CTNND2: variants seen among roughly 807,000 people sequenced by gnomAD.
CTNND2 encodes the protein catenin delta-2.
A neutral mutation model predicts 144.4 loss-of-function variants in CTNND2; 22 were observed. The observed-to-expected ratio is 0.15, with a 90% CI of 0.11 to 0.22. The LOEUF (loss-of-function observed/expected upper bound fraction) is 0.22, where lower values mean the gene tolerates loss of function less well. CTNND2 is among the 10% of genes least tolerant of loss of function. The pLI is 1.00. For synonymous variants in CTNND2, 751 were observed against 695.6 expected (o/e 1.08, Z -1.25); for missense variants, 1,353 against 1,618.8 (o/e 0.84, Z 2.82).
intron 1 of CTNND2, among the ~76,000 whole-genome samples, chr5:11,881,960 T>C (rs1384859075): frequency 6.6e-6 from 1 of 152,126 alleles, no homozygotes; most frequent in Admixed American, 6.5e-5. Flanking sequence ...CATTGTGGTT[T>C]CAACTTGAAT....
chr5:11,812,923 C>A (rs1265280011), intron 1 of CTNND2, among the ~76,000 whole-genome samples: 1 of 152,134 alleles, frequency 6.6e-6, no homozygotes, highest in Non-Finnish European at 1.5e-5. Flanking sequence ...TGTGTTCTTG[C>A]CTGCTTTGTG....
intron 2 of CTNND2, among the ~76,000 whole-genome samples, chr5:11,639,048 T>C (rs1003844548): frequency 5.3e-5 from 8 of 152,104 alleles, no homozygotes; most frequent in East Asian, 3.9e-4. Flanking sequence ...ACTATCTACA[T>C]TGGTAGTCTC....
intron 1 of CTNND2, among the ~76,000 whole-genome samples, chr5:11,824,220 G>A (rs1337367885): frequency 6.6e-6 from 1 of 152,000 alleles, no homozygotes; most frequent in Non-Finnish European, 1.5e-5. Context: ...TAAACTAAGT[G>A]AGTTATACAT....
chr5:11,023,089 A>G (rs1742449454), intron 16 of CTNND2, 110 bp from the exon 17 acceptor site: 1 of 905,784 alleles, frequency 1.1e-6, no homozygotes, highest in Non-Finnish European at 1.7e-6. Context: ...CGTTTATGCA[A>G]AATTGTTTGT....
At chr5:11,673,964 G>A (rs1011474950) in intron 2 of CTNND2, among the ~76,000 whole-genome samples, 54 of 152,200 alleles carry the variant, frequency 3.5e-4, no homozygotes, top group African/African-American at 1.3e-3. Context: ...CAAGTCCTGG[G>A]TATATTCAAC....
chr5:11,442,853 T>C (rs1470747737), intron 3 of CTNND2, among the ~76,000 whole-genome samples: 1 of 145,080 alleles, frequency 6.9e-6, no homozygotes, highest in African/African-American at 2.6e-5. Flanking sequence ...TATAATATAA[T>C]GATTATATTA....
At chr5:11,159,511 T>C (rs1580449852) in intron 12 of CTNND2, 65 bp downstream of exon 12, 4 of 1,339,730 alleles carry the variant, frequency 3.0e-6, no homozygotes, top group Non-Finnish European at 3.1e-6. Flanking sequence ...ACTAAAGTTA[T>C]GGAAAGAGAC....
chr5:11,476,877 T>C (rs1182483737), intron 3 of CTNND2, among the ~76,000 whole-genome samples: 2 of 152,232 alleles, frequency 1.3e-5, no homozygotes, highest in Non-Finnish European at 1.5e-5. Context: ...CTCCAATTTA[T>C]TTGTAATATT....
intron 1 of CTNND2, among the ~76,000 whole-genome samples, chr5:11,879,335 A>ATGTGTG (rs141467104): frequency 0.013 from 706 of 56,168 alleles, 20 homozygotes; most frequent in African/African-American, 0.034. Context: ...AAAAAATTAA[A>ATGTGTG]TGTGTGTATA....
chr5:11,290,267 G>T (rs530040959), intron 9 of CTNND2, among the ~76,000 whole-genome samples: 2 of 152,230 alleles, frequency 1.3e-5, no homozygotes, highest in African/African-American at 4.8e-5. Flanking sequence ...CTTGAACTAG[G>T]TTATAAACCC....
intron 1 of CTNND2, among the ~76,000 whole-genome samples, chr5:11,832,582 G>A (rs1184095818): frequency 6.6e-6 from 1 of 152,144 alleles, no homozygotes; most frequent in East Asian, 1.9e-4. Flanking sequence ...GGCTGTTTGG[G>A]ATTCTCTCCC....
chr5:11,041,451 T>G (rs1268956450), intron 16 of CTNND2, among the ~76,000 whole-genome samples: 1 of 152,188 alleles, frequency 6.6e-6, no homozygotes, highest in Non-Finnish European at 1.5e-5. Flanking sequence ...CATAAGTCTC[T>G]TAGGCAGAAG....
intron 2 of CTNND2, among the ~76,000 whole-genome samples, chr5:11,634,431 G>A (rs533247857): frequency 2.0e-5 from 3 of 152,246 alleles, no homozygotes; most frequent in East Asian, 1.9e-4. Context: ...GGCATGGATG[G>A]GATCTGGACT....
intron 1 of CTNND2, among the ~76,000 whole-genome samples, chr5:11,781,729 A>G (rs2126849354): frequency 6.6e-6 from 1 of 152,294 alleles, no homozygotes; most frequent in East Asian, 1.9e-4. Flanking sequence ...TTCATTACTG[A>G]TCTTTTTTTC....
chr5:11,701,959 G>A (rs1221725551), intron 2 of CTNND2, among the ~76,000 whole-genome samples: 2 of 152,166 alleles, frequency 1.3e-5, no homozygotes, highest in South Asian at 4.1e-4. Flanking sequence ...TATAAACTCA[G>A]CCACATAACT....
chr5:11,767,609 T>C (rs984955884), intron 1 of CTNND2, among the ~76,000 whole-genome samples: 3 of 152,160 alleles, frequency 2.0e-5, no homozygotes, highest in Admixed American at 6.5e-5. Flanking sequence ...TAATGCTCAA[T>C]AGCCCCTCCT....
chr5:11,411,808 T>C (rs1291129587), intron 4 of CTNND2, among the ~76,000 whole-genome samples, 156 bp from the exon 5 acceptor site: 3 of 152,212 alleles, frequency 2.0e-5, no homozygotes, highest in African/African-American at 7.2e-5. Flanking sequence ...TCAACCAACA[T>C]TAAAGCCAAG....
At chr5:11,063,082 C>T (rs1388080971) in intron 16 of CTNND2, among the ~76,000 whole-genome samples, 2 of 151,902 alleles carry the variant, frequency 1.3e-5, no homozygotes, top group African/African-American at 2.4e-5. Flanking sequence ...ATGACGGATC[C>T]CAATGAGATA....
At chr5:11,743,467 C>T (rs369704909) in intron 1 of CTNND2, among the ~76,000 whole-genome samples, 88 of 152,280 alleles carry the variant, frequency 5.8e-4, no homozygotes, top group African/African-American at 1.9e-3. Flanking sequence ...GTAGAATCGT[C>T]GATCAAGTAG....
Sources: allele counts gnomAD v4.1 joint callset (sites outside exome capture counted in the v4.1 genomes callset), GRCh38; gene constraint gnomAD v4.1.1; transcripts MANE v1.5; gene names NCBI Gene and HGNC (gene_info 2026-07-23, HGNC 2026-07-21).